Variants in ASPRV1 observed in about 807,000 individuals in gnomAD.
The protein encoded by ASPRV1 is retroviral-like aspartic protease 1.
ASPRV1 carries 7 observed loss-of-function variants against 11.0 expected under a neutral mutation model. The ratio of observed to expected loss-of-function variants is 0.64; its 90% confidence interval spans 0.36 to 1.20. The LOEUF is 1.20. Among genes scored for constraint, ASPRV1 ranks in the 50% most tolerant of loss-of-function variants. The pLI is 0.02. For synonymous variants in ASPRV1, 136 were observed against 138.4 expected (o/e 0.98, Z 0.12); for missense variants, 299 against 320.0 (o/e 0.93, Z 0.50).
chr2:69,940,150 T>C, the ASPRV1 span: 1 of 150,214 alleles, frequency 6.7e-6, no homozygotes, highest in Non-Finnish European at 1.5e-5. Flanking sequence ...ACAAAGGATT[T>C]TTTTTTTTTT....
At chr2:70,082,095 C>G in the ASPRV1 span, among the ~76,000 whole-genome samples, 1 of 152,068 alleles carries the variant, frequency 6.6e-6, no homozygotes, top group Non-Finnish European at 1.5e-5. Context: ...ATGCCTCAGC[C>G]TCCCGAGTAG....
At chr2:70,062,227 C>A in the ASPRV1 span, among the ~76,000 whole-genome samples, 6 of 151,508 alleles carry the variant, frequency 4.0e-5, no homozygotes, top group South Asian at 1.3e-3. Flanking sequence ...ACTGCTTGAA[C>A]CTGGGAGGCA....
chr2:70,068,907 T>C, the ASPRV1 span, among the ~76,000 whole-genome samples: 4 of 138,638 alleles, frequency 2.9e-5, no homozygotes, highest in African/African-American at 1.1e-4. Context: ...ATTGTGCCAT[T>C]GCACTCCAGC....
At chr2:69,970,125 G>A in the ASPRV1 span, among the ~76,000 whole-genome samples, 7 of 151,930 alleles carry the variant, frequency 4.6e-5, no homozygotes, top group Admixed American at 1.3e-4. Flanking sequence ...CCTTTCTCAC[G>A]GCCCCACCTG....
At chr2:69,999,440 G>A in the ASPRV1 span, among the ~76,000 whole-genome samples, 5 of 152,032 alleles carry the variant, frequency 3.3e-5, no homozygotes, top group Non-Finnish European at 7.4e-5. Context: ...GATCACTTGA[G>A]CTCAGGAGTT....
chr2:69,972,885 T>G, the ASPRV1 span, among the ~76,000 whole-genome samples: 4,648 of 152,080 alleles, frequency 0.031, 357 homozygotes, highest in Admixed American at 0.17. Flanking sequence ...TCATCCCTTT[T>G]CAGGGACTCT....
At chr2:70,085,086 C>CT in the ASPRV1 span, among the ~76,000 whole-genome samples, 1 of 152,206 alleles carries the variant, frequency 6.6e-6, no homozygotes, top group African/African-American at 2.4e-5. Flanking sequence ...CTGTCATGCT[C>CT]TGTCAATCTC....
At chr2:69,933,223 A>G in the ASPRV1 span, among the ~76,000 whole-genome samples, 1 of 141,756 alleles carries the variant, frequency 7.1e-6, no homozygotes, top group Non-Finnish European at 1.5e-5. Flanking sequence ...AAAAAAAAAA[A>G]ACAAAAAAAG....
the ASPRV1 span, among the ~76,000 whole-genome samples, chr2:69,953,395 G>T: frequency 6.6e-6 from 1 of 152,254 alleles, no homozygotes. Context: ...GGTGCCTGGC[G>T]TCCCTAGAGA....
chr2:70,021,990 C>T, the ASPRV1 span, among the ~76,000 whole-genome samples: 17 of 151,770 alleles, frequency 1.1e-4, no homozygotes, highest in African/African-American at 4.1e-4. Flanking sequence ...AGGTGTGAGC[C>T]ACCGCACCCA....
chr2:70,049,322 T>A, the ASPRV1 span: 1 of 151,812 alleles, frequency 6.6e-6, no homozygotes, highest in Non-Finnish European at 1.5e-5. Context: ...CTTAGGACTA[T>A]GACTGGCACA....
the ASPRV1 span, among the ~76,000 whole-genome samples, chr2:70,021,994 G>A: frequency 3.4e-5 from 5 of 148,856 alleles, no homozygotes; most frequent in Non-Finnish European, 7.4e-5. Flanking sequence ...GTGAGCCACC[G>A]CACCCAGCCA....
chr2:69,935,741 C>T, the ASPRV1 span, among the ~76,000 whole-genome samples: 1 of 152,110 alleles, frequency 6.6e-6, no homozygotes, highest in African/African-American at 2.4e-5. Context: ...TATATCTAGG[C>T]CATCTCCAAG....
chr2:69,967,873 G>A, the ASPRV1 span, among the ~76,000 whole-genome samples: 1 of 152,228 alleles, frequency 6.6e-6, no homozygotes, highest in African/African-American at 2.4e-5. Flanking sequence ...CTGAGGTCAG[G>A]AGTTCCAGAC....
At chr2:70,003,147 G>A in the ASPRV1 span, 1 of 152,260 alleles carries the variant, frequency 6.6e-6, no homozygotes, top group Admixed American at 6.5e-5. Flanking sequence ...TTGTGTATGT[G>A]TGAATGTGTC....
chr2:70,058,147 T>G, the ASPRV1 span, among the ~76,000 whole-genome samples: 2 of 152,204 alleles, frequency 1.3e-5, no homozygotes, highest in Non-Finnish European at 2.9e-5. Context: ...ACGGATATGA[T>G]CAAGGAAATA....
chr2:70,025,183 C>G, the ASPRV1 span, among the ~76,000 whole-genome samples: 4 of 152,194 alleles, frequency 2.6e-5, no homozygotes, highest in Non-Finnish European at 5.9e-5. Flanking sequence ...GACACGCATA[C>G]ACGCATGCAT....
chr2:70,077,163 A>G, the ASPRV1 span: 1 of 152,210 alleles, frequency 6.6e-6, no homozygotes, highest in African/African-American at 2.4e-5. Context: ...TAAAGTTCTT[A>G]GCACAGTGCC....
chr2:69,992,587 C>A, the ASPRV1 span, among the ~76,000 whole-genome samples: 6 of 152,182 alleles, frequency 3.9e-5, no homozygotes, highest in South Asian at 1.2e-3. Context: ...TTCCTCTACC[C>A]CTCACATTAT....
Sources: gnomAD v4.1 joint callset for allele counts (sites outside exome capture counted in the v4.1 genomes callset) on GRCh38, gnomAD v4.1.1 for gene constraint, MANE v1.5 for transcripts, NCBI Gene and HGNC (gene_info 2026-07-23, HGNC 2026-07-21) for gene names.